ANKS4B: variants seen among roughly 807,000 people sequenced by gnomAD.
ANKS4B encodes ankyrin repeat and sterile alpha motif domain containing 4B.
ANKS4B carries 21 observed loss-of-function variants against 20.2 expected under a neutral mutation model. That is an observed-to-expected ratio of 1.04 (90% CI 0.74 to 1.50). The LOEUF is 1.50. ANKS4B is among the 40% of genes most tolerant of loss of function. The pLI is 0.00. For synonymous variants in ANKS4B, 179 were observed against 194.5 expected (o/e 0.92, Z 0.66); for missense variants, 473 against 494.6 (o/e 0.96, Z 0.41).
At chr16:21,245,928 T>C (rs1306708136) in intron 1 of ANKS4B, among the ~76,000 whole-genome samples, 1 of 152,248 alleles carries the variant, frequency 6.6e-6, no homozygotes, top group African/African-American at 2.4e-5. Context: ...CAAGCAGTTT[T>C]CCAATGCTTT....
At chr16:21,242,432 C>T (rs545009542) in intron 1 of ANKS4B, among the ~76,000 whole-genome samples, 14 of 152,318 alleles carry the variant, frequency 9.2e-5, no homozygotes, top group African/African-American at 3.4e-4. Context: ...GTGATCTGCC[C>T]ACCTCAGCCT....
At chr16:21,240,857 C>G (rs2093325655) in intron 1 of ANKS4B, among the ~76,000 whole-genome samples, 1 of 151,444 alleles carries the variant, frequency 6.6e-6, no homozygotes, top group Non-Finnish European at 1.5e-5. Context: ...GTGGCACAAT[C>G]TTGGCTCACT....
At chr16:21,244,506 C>T (rs1263958513) in intron 1 of ANKS4B, among the ~76,000 whole-genome samples, 1 of 149,724 alleles carries the variant, frequency 6.7e-6, no homozygotes, top group African/African-American at 2.4e-5. Context: ...CACCTTAGTG[C>T]CCTTCTGCAT....
chr16:21,245,313 T>A (rs2093330999), intron 1 of ANKS4B, among the ~76,000 whole-genome samples: 1 of 152,176 alleles, frequency 6.6e-6, no homozygotes, highest in Non-Finnish European at 1.5e-5. Flanking sequence ...TTACATGACT[T>A]GCTGGACTTC....
chr16:21,238,218 T>C (rs1314321276), intron 1 of ANKS4B, among the ~76,000 whole-genome samples: 1 of 152,182 alleles, frequency 6.6e-6, no homozygotes, highest in East Asian at 1.9e-4. Flanking sequence ...GTGGCTTTAA[T>C]GTTCTTTTCT....
intron 1 of ANKS4B, 124 bp downstream of exon 1, chr16:21,234,025 G>C: frequency 1.0e-6 from 1 of 983,340 alleles, no homozygotes; most frequent in Non-Finnish European, 1.4e-6. Flanking sequence ...TAAATGATTG[G>C]ATTTTTAGAG....
intron 1 of ANKS4B, among the ~76,000 whole-genome samples, chr16:21,249,518 A>G (rs2093336094): frequency 6.6e-6 from 1 of 152,212 alleles, no homozygotes. Flanking sequence ...GACACACGGT[A>G]GAGATGGGCT....
rs1023409129 is a variant in ANKS4B, at chr16:21,253,788, A to G, written c.*2968A>G. ...AGCGTTCTCCAAAGTTCTCAGCATC[A>G]AGGATATAGTCTCTTCGTCACAGAG... On this transcript the variant is annotated 3_prime_UTR_variant, in exon 2 of 2. Coordinates refer to ENST00000311620, the MANE Select transcript of ANKS4B (RefSeq NM_145865.3). 1.3e-5 allele frequency: 2 copies of G among 152,202 alleles called. No homozygotes were observed. Among genetic ancestry groups the G allele is most frequent in the Admixed American group, 1.3e-4 (2 of 15,280 alleles). The allele number at this position is 152,202 out of a possible 1,614,324, so 9.4% of individuals were successfully genotyped here. A position where few individuals can be genotyped will look rare whatever the true frequency, so the allele number is the denominator to read the frequency against.
At chr16:21,247,070 CT>C (rs766409434) in intron 1 of ANKS4B, among the ~76,000 whole-genome samples, 321 of 139,112 alleles carry the variant, frequency 2.3e-3, no homozygotes, top group Middle Eastern at 3.7e-3. Context: ...TTTTGGTTTG[CT>C]TTTTTTTTTT....
intron 1 of ANKS4B, among the ~76,000 whole-genome samples, chr16:21,236,090 G>A (rs1178751862): frequency 1.3e-5 from 2 of 152,142 alleles, no homozygotes; most frequent in South Asian, 2.1e-4. Context: ...ATAGTTCTAC[G>A]GGCTGTACAG....
At chr16:21,242,343 A>G (rs1042158629) in intron 1 of ANKS4B, among the ~76,000 whole-genome samples, 2 of 152,092 alleles carry the variant, frequency 1.3e-5, no homozygotes, top group Non-Finnish European at 1.5e-5. Context: ...ACGTGCCACC[A>G]CACCCAGCTA....
intron 1 of ANKS4B, 84 bp from the exon 2 acceptor site, chr16:21,249,647 C>A: frequency 6.9e-7 from 1 of 1,450,076 alleles, no homozygotes; most frequent in South Asian, 1.4e-5. Flanking sequence ...GCCTTTTGTT[C>A]TTTATTTTTG....
At position 21,250,417 on chromosome 16, in the gene ANKS4B, C is replaced by T. The variant is rs1202676259; in HGVS notation, c.851C>T (p.Pro284Leu). The T allele has an allele frequency of 1.5e-5, 25 of 1,614,024 alleles. No homozygotes were observed. Among genetic ancestry groups the T allele is most frequent in the Non-Finnish European group, 2.1e-5 (25 of 1,180,028 alleles). Residue 284 changes from proline to leucine, a missense_variant, in exon 2 of 2, where the codon CCT (proline) becomes CTT (leucine). Coordinates refer to ENST00000311620, the MANE Select transcript of ANKS4B (RefSeq NM_145865.3). The part of the protein sequence containing the change: ...IVFRRNRISS[P>L]EDISDSKREF... ...TTTAGAAGGAACAGGATATCGAGTC[C>T]TGAAGACATCTCAGATAGCAAGAGA...
In ANKS4B at chr16:21,251,636, GC is replaced by G. The variant is rs1363778290; in HGVS notation, c.*819del. The G allele has an allele frequency of 2.6e-5, 4 of 152,178 alleles. No individual in the cohort carries two copies. Among genetic ancestry groups the G allele is most frequent in the Admixed American group, 2.0e-4 (3 of 15,278 alleles). 9.4% of individuals were successfully genotyped at this position (152,178 alleles called of 1,614,324 possible). A position where few individuals can be genotyped will look rare whatever the true frequency, so the allele number is the denominator to read the frequency against. On this transcript the variant is annotated 3_prime_UTR_variant, in exon 2 of 2. Transcript: ENST00000311620. ...GTTCTTTCCTGGCCTGCGGCTTGAT[GC>G]CCAACTTAAATGCATCTAACCCTTT...
At position 21,250,200 on chromosome 16, in the gene ANKS4B, A is replaced by G; in HGVS notation, c.634A>G (p.Asn212Asp). The change falls in exon 2 of 2, where the codon AAC becomes GAC. Residue 212 changes from asparagine (N) to aspartate (D), a missense_variant. By Grantham distance (23) the Asn-to-Asp change is conservative. Transcript: ENST00000311620. Reference sequence around the variant, plus strand: ...CACTTTCAAGATCAAGTTCAAGAAGAACAAAGATACAGCAGAACAGGTGGG... The same window carrying G: ...CACTTTCAAGATCAAGTTCAAGAAGGACAAAGATACAGCAGAACAGGTGGG... ...KDTFKIKFKK[N>D]KDTAEQVGKE... is the part of the protein sequence containing the mutation. 6.2e-7 allele frequency: 1 copy of G among 1,614,168 alleles called. No homozygotes were observed. The highest frequency in any genetic ancestry group is 1.1e-5 in the South Asian group (1 of 91,074).
chr16:21,247,310 AC>A (rs1016999943), intron 1 of ANKS4B, among the ~76,000 whole-genome samples: 46 of 152,148 alleles, frequency 3.0e-4, no homozygotes, highest in African/African-American at 1.1e-3. Flanking sequence ...TGATCCACCC[AC>A]CTCGACCTCC....
In ANKS4B at chr16:21,250,563, G is replaced by A; in HGVS notation, c.997G>A (p.Asp333Asn). 1.2e-6 allele frequency: 2 copies of A among 1,614,212 alleles called. No homozygotes were observed. The highest frequency in any genetic ancestry group is 1.7e-6 in the Non-Finnish European group (2 of 1,180,036). Residue 333 changes from aspartate to asparagine, a missense_variant, in exon 2 of 2, where the codon GAC (aspartate) becomes AAC (asparagine). Physicochemically the swap from Asp to Asn is conservative, Grantham distance 23. Coordinates refer to ENST00000311620, the MANE Select transcript of ANKS4B (RefSeq NM_145865.3). ...NGLKDDLPWD[D>N]DEVEWEEDVV... ...CCTCAAAGATGATCTGCCGTGGGAT[G>A]ACGATGAAGTGGAGTGGGAGGAAGA...
intron 1 of ANKS4B, among the ~76,000 whole-genome samples, chr16:21,245,825 A>G (rs969923197): frequency 6.6e-6 from 1 of 152,220 alleles, no homozygotes; most frequent in Admixed American, 6.5e-5. Flanking sequence ...CTAGTTGAAT[A>G]CAAGGAAAAA....
intron 1 of ANKS4B, among the ~76,000 whole-genome samples, chr16:21,244,270 G>A (rs1030639973): frequency 7.9e-5 from 12 of 151,950 alleles, no homozygotes; most frequent in Admixed American, 3.3e-4. Flanking sequence ...TTGGGGGGTC[G>A]GGGGCAAGAG....
Sources: gnomAD v4.1 joint callset for allele counts (sites outside exome capture counted in the v4.1 genomes callset) on GRCh38, gnomAD v4.1.1 for gene constraint, MANE v1.5 for transcripts, NCBI Gene and HGNC (gene_info 2026-07-23, HGNC 2026-07-21) for gene names.